MAPK4: variants seen among roughly 807,000 people sequenced by gnomAD.
MAPK4 encodes Erk3-related.
A neutral mutation model predicts 47.7 loss-of-function variants in MAPK4; 22 were observed. That is an observed-to-expected ratio of 0.46 (90% confidence interval 0.33 to 0.66). MAPK4 has a LOEUF of 0.66. Among genes scored for constraint, MAPK4 ranks in the 30% least tolerant of loss-of-function variants. The pLI is 0.02. For synonymous variants in MAPK4, 390 were observed against 365.7 expected (o/e 1.07, Z -0.76); for missense variants, 736 against 831.7 (o/e 0.88, Z 1.42).
At chr18:50,686,403 C>T (rs1908882411) in intron 2 of MAPK4, among the ~76,000 whole-genome samples, 1 of 152,158 alleles carries the variant, frequency 6.6e-6, no homozygotes, top group East Asian at 1.9e-4. Context: ...CTGCTTAATC[C>T]TCATTTAGCC....
At chr18:50,642,397 G>A (rs537150499) in intron 1 of MAPK4, among the ~76,000 whole-genome samples, 2 of 152,292 alleles carry the variant, frequency 1.3e-5, no homozygotes, top group East Asian at 1.9e-4. Context: ...AAATTACTAA[G>A]TATGCTTCAT....
At chr18:50,614,681 T>G (rs954927997) in intron 1 of MAPK4, among the ~76,000 whole-genome samples, 1 of 152,246 alleles carries the variant, frequency 6.6e-6, no homozygotes, top group African/African-American at 2.4e-5. Context: ...TCACACGTAT[T>G]ATCTCTAGAC....
intron 2 of MAPK4, among the ~76,000 whole-genome samples, chr18:50,709,549 C>T (rs1027076436): frequency 6.6e-6 from 1 of 152,240 alleles, no homozygotes; most frequent in Non-Finnish European, 1.5e-5. Flanking sequence ...AGGGGGCATT[C>T]GCCTCCCCTG....
chr18:50,610,104 A>C (rs978919176), intron 1 of MAPK4, among the ~76,000 whole-genome samples: 1 of 152,262 alleles, frequency 6.6e-6, no homozygotes, highest in South Asian at 2.1e-4. Context: ...CATGGTTAGA[A>C]GACCAGAACC....
intron 2 of MAPK4, among the ~76,000 whole-genome samples, chr18:50,672,968 G>A (rs1050137573): frequency 6.6e-6 from 1 of 152,210 alleles, no homozygotes; most frequent in African/African-American, 2.4e-5. Context: ...TCCACTAGGG[G>A]TAAGCAGTTG....
At chr18:50,599,575 A>G (rs1049377353) in intron 1 of MAPK4, among the ~76,000 whole-genome samples, 2 of 151,898 alleles carry the variant, frequency 1.3e-5, no homozygotes, top group South Asian at 2.1e-4. Context: ...GTGCCACCAC[A>G]CCCGGCTAAT....
At chr18:50,592,588 A>G (rs2042447182) in intron 1 of MAPK4, among the ~76,000 whole-genome samples, 1 of 152,198 alleles carries the variant, frequency 6.6e-6, no homozygotes, top group South Asian at 2.1e-4. Context: ...GTGTGACTGA[A>G]GGCACAGACT....
intron 2 of MAPK4, among the ~76,000 whole-genome samples, chr18:50,701,685 TC>T (rs1291935445): frequency 6.6e-6 from 1 of 152,098 alleles, no homozygotes; most frequent in Non-Finnish European, 1.5e-5. Flanking sequence ...TAGGACATCA[TC>T]AACAACTTGG....
chr18:50,578,139 G>A (rs767224863), intron 1 of MAPK4, among the ~76,000 whole-genome samples: 10 of 152,288 alleles, frequency 6.6e-5, no homozygotes, highest in Middle Eastern at 3.4e-3. Context: ...AGTCCAAGGC[G>A]TAAGGGGAGG....
intron 2 of MAPK4, chr18:50,670,221 C>T (rs1261992782): frequency 1.3e-5 from 2 of 151,104 alleles, no homozygotes; most frequent in Non-Finnish European, 1.5e-5. Context: ...GCTTGTCTTT[C>T]ACATATCCGC....
At chr18:50,589,367 C>T (rs1022767139) in intron 1 of MAPK4, among the ~76,000 whole-genome samples, 4 of 152,088 alleles carry the variant, frequency 2.6e-5, no homozygotes, top group East Asian at 1.9e-4. Context: ...GAGGCCGAGG[C>T]GGGCGGATCA....
intron 1 of MAPK4, among the ~76,000 whole-genome samples, chr18:50,562,006 T>C (rs1319965461): frequency 6.6e-6 from 1 of 152,260 alleles, no homozygotes; most frequent in Non-Finnish European, 1.5e-5. Flanking sequence ...CTTAAACAGC[T>C]ATTGTGGGAA....
chr18:50,610,152 G>A (rs1458252941), intron 1 of MAPK4, among the ~76,000 whole-genome samples: 1 of 152,216 alleles, frequency 6.6e-6, no homozygotes, highest in East Asian at 1.9e-4. Flanking sequence ...GAGGGAGTTG[G>A]TTAAACAGGC....
At chr18:50,713,245 T>C (rs1229540359) in intron 2 of MAPK4, among the ~76,000 whole-genome samples, 2 of 152,232 alleles carry the variant, frequency 1.3e-5, no homozygotes, top group Non-Finnish European at 1.5e-5. Flanking sequence ...TTTTACCCTA[T>C]GTAAATTATA....
rs1911472271 is a variant in MAPK4, at chr18:50,729,994, G to C, written c.*140G>C. On this transcript the variant is annotated 3_prime_UTR_variant, in exon 6 of 6. Transcript: ENST00000400384. ...ACGTGAAGGATCCGAGGAGCGAGAG[G>C]AATGTCCATTTCTTAAACTGCCTTA... The C allele has an allele frequency of 1.1e-5, 10 of 876,768 alleles. No individual in the cohort carries two copies. The highest frequency in any genetic ancestry group is 7.2e-4 in the Middle Eastern group (2 of 2,774). 54.3% of individuals were successfully genotyped at this position (876,768 alleles called of 1,614,324 possible). A position where few individuals can be genotyped will look rare whatever the true frequency, so the allele number is the denominator to read the frequency against.
chr18:50,704,503 T>C, intron 2 of MAPK4: 1 of 398,562 alleles, frequency 2.5e-6, no homozygotes, highest in Non-Finnish European at 4.4e-6. Flanking sequence ...AAGACAATCA[T>C]GTGTGTCTCT....
intron 1 of MAPK4, among the ~76,000 whole-genome samples, chr18:50,601,846 A>G (rs1410900923): frequency 6.6e-6 from 1 of 152,000 alleles, no homozygotes; most frequent in Admixed American, 6.6e-5. Flanking sequence ...TTCCTTTGTC[A>G]TACCTCTTGC....
intron 1 of MAPK4, among the ~76,000 whole-genome samples, chr18:50,644,768 G>A (rs1224709097): frequency 6.6e-6 from 1 of 152,204 alleles, no homozygotes; most frequent in Non-Finnish European, 1.5e-5. Context: ...GTGCTAACAG[G>A]GAAGAGTATG....
intron 1 of MAPK4, among the ~76,000 whole-genome samples, chr18:50,655,424 AGCCCAAGGTT>A (rs150545585): frequency 0.024 from 3,598 of 152,242 alleles, 128 homozygotes; most frequent in African/African-American, 0.082. Flanking sequence ...TAGGGACTGT[AGCCCAAGGTT>A]GGCATCATGG....
Sources: allele counts gnomAD v4.1 joint callset (sites outside exome capture counted in the v4.1 genomes callset), GRCh38; gene constraint gnomAD v4.1.1; transcripts MANE v1.5; gene names NCBI Gene and HGNC (gene_info 2026-07-23, HGNC 2026-07-21).